The following SEMA3C variants were observed in gnomAD, a reference collection of about 807,000 sequenced individuals.
SEMA3C encodes semaphorin 3C.
SEMA3C carries 47 observed loss-of-function variants against 89.4 expected under a neutral mutation model. The observed-to-expected ratio is 0.53, with a 90% CI of 0.42 to 0.67. The LOEUF (loss-of-function observed/expected upper bound fraction) is 0.67. Among genes scored for constraint, SEMA3C ranks in the 30% least tolerant of loss-of-function variants. The pLI is 0.00. For missense variants in SEMA3C, 839 were observed against 929.1 expected, an observed-to-expected ratio of 0.90 and a Z score of 1.26; for synonymous variants, 310 against 320.2, an observed-to-expected ratio of 0.97 and a Z score of 0.34.
chr7:80,758,293 C>T (rs1267840930), intron 15 of SEMA3C, 38 bp downstream of exon 15: 1 of 1,591,412 alleles, frequency 6.3e-7, no homozygotes, highest in South Asian at 1.1e-5. Flanking sequence ...TGTCTGGTGT[C>T]CTACATTTGG....
chr7:80,844,278 T>C (rs905738495), intron 2 of SEMA3C, among the ~76,000 whole-genome samples: 1 of 152,132 alleles, frequency 6.6e-6, no homozygotes, highest in African/African-American at 2.4e-5. Flanking sequence ...ATCCAACAGT[T>C]CTCCCAGCAA....
Position 80,853,951 on chromosome 7 carries a change from AAT to A in SEMA3C, c.104-25208_104-25207del, listed in dbSNP as rs1790575885. On this transcript the variant is annotated intron_variant, in intron 2 of 17. Transcript: ENST00000265361. The stretch of plus-strand genomic sequence containing the variant: ...CTGCTATGTACCCATGAATATTAAA[AAT>A]AAAAAAAATGTAAAAAGGAGATTCA... 3.3e-5 allele frequency among the ~76,000 whole-genome samples: 5 copies of A among 152,204 alleles called. No individual in the cohort carries two copies. In the South Asian group the frequency reaches 1.0e-3, roughly 32 times the overall value.
intron 12 of SEMA3C, among the ~76,000 whole-genome samples, chr7:80,782,364 TA>T (rs903316663): frequency 2.6e-5 from 4 of 152,186 alleles, no homozygotes; most frequent in Admixed American, 1.3e-4. Context: ...ATGGATGGGT[TA>T]AAATGAGTGC....
intron 15 of SEMA3C, among the ~76,000 whole-genome samples, chr7:80,757,674 T>C (rs1788095062): frequency 1.3e-5 from 2 of 152,132 alleles, no homozygotes; most frequent in South Asian, 4.2e-4. Flanking sequence ...CTAAAGCATA[T>C]AAAATAAAAA....
intron 2 of SEMA3C, among the ~76,000 whole-genome samples, chr7:80,909,870 T>C (rs1792102969): frequency 6.6e-6 from 1 of 152,202 alleles, no homozygotes; most frequent in Non-Finnish European, 1.5e-5. Context: ...TGAGAGGCAC[T>C]TAAAATATGG....
chr7:80,891,777 A>G (rs1306801542), intron 2 of SEMA3C, among the ~76,000 whole-genome samples: 2 of 152,114 alleles, frequency 1.3e-5, no homozygotes, highest in Non-Finnish European at 2.9e-5. Flanking sequence ...TCGTTCTCTT[A>G]ACTAAAATTC....
chr7:80,804,267 G>A lies in SEMA3C; in HGVS notation c.659-19C>T. 6.4e-7 allele frequency: 1 copy of A among 1,568,180 alleles called. No individual in the cohort carries two copies. Among genetic ancestry groups the A allele is most frequent in the Non-Finnish European group, 8.7e-7 (1 of 1,155,398 alleles). ...ATAGGTTCTAGAAAAAAAGGTAAAA[G>A]ACTAGGTATATATTCATTATGAAAA... On this transcript the variant is annotated intron_variant, in intron 7 of 17. Transcript: ENST00000265361.
intron 9 of SEMA3C, among the ~76,000 whole-genome samples, chr7:80,801,747 C>G (rs1403362889): frequency 6.6e-6 from 1 of 151,812 alleles, no homozygotes; most frequent in East Asian, 1.9e-4. Flanking sequence ...AAAAGAAAGA[C>G]TGAAACATAA....
At chr7:80,867,725 C>A (rs1208132487) in intron 2 of SEMA3C, among the ~76,000 whole-genome samples, 1 of 151,976 alleles carries the variant, frequency 6.6e-6, no homozygotes, top group Non-Finnish European at 1.5e-5. Context: ...ATCATACACA[C>A]ACACACACAC....
chr7:80,748,666 G>A (rs1787854009), intron 17 of SEMA3C, among the ~76,000 whole-genome samples: 1 of 152,124 alleles, frequency 6.6e-6, no homozygotes, highest in South Asian at 2.1e-4. Context: ...TAGCACCCAA[G>A]CTCTTGTTTC....
chr7:80,821,728 T>C (rs1789752977), intron 4 of SEMA3C, among the ~76,000 whole-genome samples: 1 of 152,182 alleles, frequency 6.6e-6, no homozygotes, highest in Non-Finnish European at 1.5e-5. Context: ...TTGATGTCGA[T>C]TGCTTAATTC....
Position 80,802,653 on chromosome 7 carries a change from A to G in SEMA3C, c.916+12T>C. ...TCTTTCAGAAGCATTTTTCAATCTC[A>G]TATGTATGTACCTAATTCATCAAAG... On this transcript the variant is annotated intron_variant, in intron 9 of 17. Coordinates refer to ENST00000265361, the MANE Select transcript of SEMA3C (RefSeq NM_006379.5). 1.3e-6 allele frequency: 2 copies of G among 1,574,880 alleles called. No individual in the cohort carries two copies. Among genetic ancestry groups the G allele is most frequent in the Non-Finnish European group, 1.7e-6 (2 of 1,145,078 alleles).
chr7:80,893,486 T>C (rs1791663843), intron 2 of SEMA3C, among the ~76,000 whole-genome samples: 1 of 152,192 alleles, frequency 6.6e-6, no homozygotes, highest in Non-Finnish European at 1.5e-5. Context: ...TCAACACTGA[T>C]TGCTAATAAT....
At chr7:80,797,954 C>T (rs1789105732) in intron 11 of SEMA3C, 138 bp downstream of exon 11, 5 of 757,520 alleles carry the variant, frequency 6.6e-6, no homozygotes, top group South Asian at 6.4e-5. Flanking sequence ...GCTGAGATTG[C>T]ACCACTACAT....
At chr7:80,889,083 C>T (rs1791550310) in intron 2 of SEMA3C, among the ~76,000 whole-genome samples, 1 of 152,074 alleles carries the variant, frequency 6.6e-6, no homozygotes, top group Non-Finnish European at 1.5e-5. Flanking sequence ...GGCTGGTCTC[C>T]AACTCCCCAC....
intron 15 of SEMA3C, among the ~76,000 whole-genome samples, chr7:80,754,511 G>A (rs1428794889): frequency 2.4e-5 from 3 of 125,392 alleles, no homozygotes; most frequent in Non-Finnish European, 5.6e-5. Flanking sequence ...TATCTTCAAA[G>A]GAAAATGAAA....
At chr7:80,910,306 G>C (rs1356071702) in intron 2 of SEMA3C, among the ~76,000 whole-genome samples, 2 of 152,184 alleles carry the variant, frequency 1.3e-5, no homozygotes, top group Non-Finnish European at 2.9e-5. Context: ...AGAGCTTAAA[G>C]ACAGCTCATT....
At chr7:80,791,082 G>A (rs1788929546) in intron 11 of SEMA3C, among the ~76,000 whole-genome samples, 1 of 151,998 alleles carries the variant, frequency 6.6e-6, no homozygotes, top group Non-Finnish European at 1.5e-5. Context: ...AAGTTTCAGA[G>A]CACTGAGTCC....
At chr7:80,801,803 GTT>G (rs1431860166) in intron 9 of SEMA3C, among the ~76,000 whole-genome samples, 8 of 151,938 alleles carry the variant, frequency 5.3e-5, no homozygotes, top group Non-Finnish European at 1.0e-4. Flanking sequence ...CAAGTAGCCT[GTT>G]TCACAAAATG....
Sources: allele counts gnomAD v4.1 joint callset (sites outside exome capture counted in the v4.1 genomes callset), GRCh38; gene constraint gnomAD v4.1.1; transcripts MANE v1.5; gene names NCBI Gene and HGNC (gene_info 2026-07-23, HGNC 2026-07-21).